GPC5: variants seen among roughly 807,000 people sequenced by gnomAD.
GPC5 encodes glypican-5.
Under a neutral mutation model 53.9 loss-of-function variants are expected in GPC5, and 47 were observed. The ratio of observed to expected loss-of-function variants is 0.87; its 90% CI spans 0.69 to 1.11. The LOEUF is 1.11. GPC5 is among the 50% of genes most tolerant of loss of function. The pLI, the probability that GPC5 is intolerant of heterozygous loss-of-function variation, is 0.00. For synonymous variants in GPC5, 286 were observed against 263.3 expected (o/e 1.09, Z -0.84); for missense variants, 748 against 713.1 (o/e 1.05, Z -0.56).
chr13:91,540,864 T>A (rs1459018464), intron 2 of GPC5, among the ~76,000 whole-genome samples: 1 of 151,706 alleles, frequency 6.6e-6, no homozygotes, highest in Non-Finnish European at 1.5e-5. Flanking sequence ...TCCTCCAGAG[T>A]CCATGATAAG....
At chr13:91,848,782 T>G (rs1021922461) in intron 5 of GPC5, among the ~76,000 whole-genome samples, 3 of 152,194 alleles carry the variant, frequency 2.0e-5, no homozygotes, top group Non-Finnish European at 2.9e-5. Context: ...GATGATTGAT[T>G]CATGAGGAGT....
At chr13:91,946,457 A>G (rs114453469) in intron 6 of GPC5, among the ~76,000 whole-genome samples, 3,217 of 152,288 alleles carry the variant, frequency 0.021, 99 homozygotes, top group African/African-American at 0.073. Flanking sequence ...ACATAATTAT[A>G]TATAAAACGC....
intron 7 of GPC5, among the ~76,000 whole-genome samples, chr13:92,611,858 C>G (rs569980750): frequency 6.6e-6 from 1 of 151,936 alleles, no homozygotes; most frequent in African/African-American, 2.4e-5. Context: ...ACAGGATGTT[C>G]CTACTATTTT....
At chr13:91,552,485 G>A (rs1246834266) in intron 2 of GPC5, among the ~76,000 whole-genome samples, 1 of 152,014 alleles carries the variant, frequency 6.6e-6, no homozygotes, top group Non-Finnish European at 1.5e-5. Context: ...AGAGCTGAGA[G>A]CCCTGAACAG....
chr13:92,737,605 T>A (rs1455780767), intron 7 of GPC5, among the ~76,000 whole-genome samples: 1 of 152,032 alleles, frequency 6.6e-6, no homozygotes, highest in Non-Finnish European at 1.5e-5. Flanking sequence ...TTTCCCTTTA[T>A]AAGTGGCACA....
At chr13:91,973,434 G>A (rs1051470303) in intron 6 of GPC5, among the ~76,000 whole-genome samples, 1 of 152,058 alleles carries the variant, frequency 6.6e-6, no homozygotes, top group Admixed American at 6.6e-5. Flanking sequence ...AGCTTGGAGT[G>A]GTTTGATCAT....
chr13:92,629,261 A>G (rs1885157712), intron 7 of GPC5, among the ~76,000 whole-genome samples: 1 of 152,222 alleles, frequency 6.6e-6, no homozygotes, highest in Non-Finnish European at 1.5e-5. Context: ...TAGATGTGTC[A>G]TTCCCATAAC....
At chr13:92,561,074 C>G (rs1249920301) in intron 7 of GPC5, among the ~76,000 whole-genome samples, 1 of 151,828 alleles carries the variant, frequency 6.6e-6, no homozygotes, top group African/African-American at 2.4e-5. Context: ...ATGAGCATTG[C>G]CTTCGAGACG....
intron 7 of GPC5, among the ~76,000 whole-genome samples, chr13:92,641,738 G>A (rs1302481896): frequency 2.0e-5 from 3 of 152,020 alleles, no homozygotes; most frequent in Non-Finnish European, 4.4e-5. Context: ...TCTGTTCCCA[G>A]GTATCATAGA....
intron 7 of GPC5, among the ~76,000 whole-genome samples, chr13:92,322,004 C>T (rs2043219020): frequency 6.6e-6 from 1 of 151,932 alleles, no homozygotes; most frequent in African/African-American, 2.4e-5. Context: ...GAATTTATTC[C>T]TGTGACAAAA....
rs117885559 is a variant in GPC5 at position 92,123,303 on chromosome 13, A to G, written c.1402-21527A>G. Reference sequence around the variant, plus strand: ...CACGTGTAATTCCAGTTACTTTGGGAGGCTGAAGCAGGAAAGAAACTTGCA... The same window carrying G: ...CACGTGTAATTCCAGTTACTTTGGGGGGCTGAAGCAGGAAAGAAACTTGCA... On this transcript the variant is annotated intron_variant, in intron 6 of 7. Coordinates refer to ENST00000377067, the MANE Select transcript of GPC5 (RefSeq NM_004466.6). Among the ~76,000 whole-genome samples, 19 of 152,114 alleles carry G rather than the reference A, an allele frequency of 1.2e-4. No homozygotes were observed. In the East Asian group the frequency reaches 3.7e-3, roughly 29 times the overall value.
At chr13:92,590,046 G>C (rs1341559357) in intron 7 of GPC5, among the ~76,000 whole-genome samples, 1 of 152,132 alleles carries the variant, frequency 6.6e-6, no homozygotes, top group Non-Finnish European at 1.5e-5. Context: ...GTGATGCAGT[G>C]TTTATAGCAA....
At chr13:92,595,767 CAA>C (rs35255458) in intron 7 of GPC5, among the ~76,000 whole-genome samples, 1 of 93,434 alleles carries the variant, frequency 1.1e-5, no homozygotes, top group Admixed American at 1.3e-4. Flanking sequence ...GACTCTGTCT[CAA>C]AAAAAAAAAA....
chr13:92,226,972 G>A (rs2139095414), intron 7 of GPC5, among the ~76,000 whole-genome samples: 1 of 152,192 alleles, frequency 6.6e-6, no homozygotes, highest in South Asian at 2.1e-4. Context: ...CTGAACTGGG[G>A]CCAGTTACCT....
intron 6 of GPC5, among the ~76,000 whole-genome samples, chr13:91,919,350 T>G (rs1594663330): frequency 1.3e-5 from 2 of 152,216 alleles, no homozygotes; most frequent in African/African-American, 4.8e-5. Context: ...CTCTTACAGT[T>G]GTTGAACCAC....
chr13:91,571,824 T>TACACAC lies in GPC5; in HGVS notation c.326-121362_326-121361insCACACA, dbSNP rs2031822552. 7.3e-5 allele frequency among the ~76,000 whole-genome samples: 6 copies of TACACAC among 82,086 alleles called. 2 individuals are homozygous for TACACAC. Among genetic ancestry groups the TACACAC allele is most frequent in the African/African-American group, 3.7e-4 (5 of 13,492 alleles). The allele number at this position is 82,086 out of a possible 152,430, so 53.9% of individuals were successfully genotyped here. On this transcript the variant is annotated intron_variant, in intron 2 of 7. Transcript: ENST00000377067. Reference sequence around the variant, plus strand: ...ATATACACACACATACGTGTGTGTATATATACACATATACTTGTGTGTATA... The same window carrying TACACAC: ...ATATACACACACATACGTGTGTGTATACACACATATACACATATACTTGTGTGTATA...
At chr13:92,640,053 T>C (rs1201358191) in intron 7 of GPC5, among the ~76,000 whole-genome samples, 1 of 151,850 alleles carries the variant, frequency 6.6e-6, no homozygotes, top group East Asian at 1.9e-4. Flanking sequence ...CTAAGTCAAA[T>C]GTAGCTAAGC....
chr13:92,399,632 G>C (rs1875464946), intron 7 of GPC5, among the ~76,000 whole-genome samples: 1 of 152,122 alleles, frequency 6.6e-6, no homozygotes, highest in Admixed American at 6.5e-5. Flanking sequence ...AAAAGGAAGG[G>C]ATCATGTGCA....
intron 7 of GPC5, among the ~76,000 whole-genome samples, chr13:92,376,790 G>A (rs554200805): frequency 6.6e-6 from 1 of 152,120 alleles, no homozygotes; most frequent in South Asian, 2.1e-4. Context: ...ATTAAGGCGG[G>A]CGGATCACCA....
Sources: allele counts gnomAD v4.1 joint callset (sites outside exome capture counted in the v4.1 genomes callset), GRCh38; gene constraint gnomAD v4.1.1; transcripts MANE v1.5; gene names NCBI Gene and HGNC (gene_info 2026-07-23, HGNC 2026-07-21).